MID1: variants seen among roughly 807,000 people sequenced by gnomAD.
The protein encoded by MID1 is E3 ubiquitin-protein ligase Midline-1.
Under a neutral mutation model 40.4 loss-of-function variants are expected in MID1, and 7 were observed. That is an observed-to-expected ratio of 0.17 (90% CI 0.10 to 0.33). The LOEUF (loss-of-function observed/expected upper bound fraction) is 0.33, where lower values mean the gene tolerates loss of function less well. Ranked by LOEUF, MID1 falls within the 10% of genes least tolerant of loss-of-function variation. MID1 has a pLI of 1.00. For synonymous variants in MID1, 229 were observed against 221.2 expected, an observed-to-expected ratio of 1.04 and a Z score of -0.31; for missense variants, 367 against 558.5, an observed-to-expected ratio of 0.66 and a Z score of 3.46.
At chrX:10,530,551 T>C (rs1414253220) in intron 2 of MID1, among the ~76,000 whole-genome samples, 4 of 112,333 alleles carry the variant, frequency 3.6e-5, no homozygotes, top group African/African-American at 1.3e-4. Flanking sequence ...ATTTTTCTTA[T>C]AATTTTTATT....
intron 3 of MID1, chrX:10,505,493 G>A (rs937019717): frequency 3.6e-5 from 27 of 753,927 alleles, no homozygotes; most frequent in Middle Eastern, 7.6e-4. Flanking sequence ...ACACCCTTCC[G>A]TTTGGGCTGG....
chrX:10,778,797 A>G (rs1229998069), intron 1 of MID1, among the ~76,000 whole-genome samples: 1 of 113,643 alleles, frequency 8.8e-6, no homozygotes, highest in East Asian at 2.8e-4. Flanking sequence ...AGCATCCAGA[A>G]GGAAGGCAGT....
intron 1 of MID1, among the ~76,000 whole-genome samples, chrX:10,592,274 TAAAAAAAAAAAAAAA>T (rs144661774): frequency 2.5e-4 from 7 of 28,233 alleles, no homozygotes; most frequent in Non-Finnish European, 4.1e-4. Flanking sequence ...GGGACTGCGT[TAAAAAAAAAAAAAAA>T]AAAAAAAAAA....
chrX:10,624,826 C>A (rs1935979575), upstream of MID1, among the ~76,000 whole-genome samples: 1 of 110,756 alleles, frequency 9.0e-6, no homozygotes, highest in Non-Finnish European at 1.9e-5. Context: ...GTTGCCCAGG[C>A]TGGTCTTGAA....
chrX:10,582,998 T>TA (rs1390508906), intron 1 of MID1: 1 of 111,874 alleles, frequency 8.9e-6, no homozygotes, highest in Non-Finnish European at 1.9e-5. Flanking sequence ...CTGGAAATCC[T>TA]ATATGTATAT....
chrX:10,650,405 G>A (rs1026938462), intron 1 of MID1, among the ~76,000 whole-genome samples: 2 of 106,284 alleles, frequency 1.9e-5, no homozygotes, highest in Admixed American at 2.0e-4. Context: ...CCAAAGCACA[G>A]GCTGAAGTTG....
chrX:10,620,653 C>G (rs759981116), upstream of MID1: 1 of 111,698 alleles, frequency 9.0e-6, no homozygotes, highest in African/African-American at 3.3e-5. Flanking sequence ...GGGGGTGGGT[C>G]CTGGGAGCCA....
intron 9 of MID1, among the ~76,000 whole-genome samples, chrX:10,449,955 C>G (rs1928226676): frequency 8.9e-6 from 1 of 111,990 alleles, no homozygotes; most frequent in African/African-American, 3.3e-5. Flanking sequence ...ACCCACATTT[C>G]TGTTTTCAGC....
chrX:10,686,132 G>T (rs1209885337), intron 1 of MID1, among the ~76,000 whole-genome samples: 1 of 111,509 alleles, frequency 9.0e-6, no homozygotes, highest in Admixed American at 9.5e-5. Flanking sequence ...GGGGCATTGG[G>T]ATGTGAGTCA....
intron 1 of MID1, among the ~76,000 whole-genome samples, chrX:10,658,312 T>C (rs2042888836): frequency 9.3e-6 from 1 of 107,247 alleles, no homozygotes; most frequent in African/African-American, 3.4e-5. Flanking sequence ...CTCTACTTAA[T>C]AGGGAATGTC....
chrX:10,636,785 G>GATACATATATATATATATATAT (rs1555911853), intron 1 of MID1, among the ~76,000 whole-genome samples: 1 of 42,719 alleles, frequency 2.3e-5, no homozygotes, highest in Admixed American at 2.5e-4. Context: ...CAACAATGGG[G>GATACATATATATATATATATAT]ATATATATAT....
intron 1 of MID1, among the ~76,000 whole-genome samples, chrX:10,787,769 TC>T (rs1036326712): frequency 4.8e-5 from 5 of 104,672 alleles, no homozygotes; most frequent in African/African-American, 1.7e-4. Context: ...AACAGGAATT[TC>T]CCCCCCTAAA....
chrX:10,575,254 TA>T (rs1197240005), intron 1 of MID1, among the ~76,000 whole-genome samples: 1 of 111,956 alleles, frequency 8.9e-6, no homozygotes, highest in Non-Finnish European at 1.9e-5. Context: ...ATAGGTGAAA[TA>T]TTTTTTAAAG....
intron 1 of MID1, among the ~76,000 whole-genome samples, chrX:10,595,207 T>C (rs2147513737): frequency 8.9e-6 from 1 of 112,032 alleles, no homozygotes; most frequent in South Asian, 3.8e-4. Flanking sequence ...TAAAGATCTC[T>C]TTCTGGAAGT....
intron 1 of MID1, among the ~76,000 whole-genome samples, chrX:10,778,098 A>T (rs759638359): frequency 8.9e-6 from 1 of 112,019 alleles, no homozygotes; most frequent in East Asian, 2.8e-4. Context: ...TATAATAAAT[A>T]CATAAACTGG....
intron 2 of MID1, among the ~76,000 whole-genome samples, chrX:10,536,754 TG>T (rs2147399283): frequency 8.9e-6 from 1 of 112,526 alleles, no homozygotes; most frequent in Non-Finnish European, 1.9e-5. Flanking sequence ...CACCTTCCCC[TG>T]GGAAAACAGA....
At chrX:10,635,212 A>G (rs891877718) in intron 1 of MID1, among the ~76,000 whole-genome samples, 1 of 111,903 alleles carries the variant, frequency 8.9e-6, no homozygotes, top group African/African-American at 3.2e-5. Context: ...ATTTGGTGAA[A>G]TATGCTCCAG....
At chrX:10,479,753 C>G (rs1412677730) in intron 5 of MID1, among the ~76,000 whole-genome samples, 2 of 111,971 alleles carry the variant, frequency 1.8e-5, no homozygotes, top group East Asian at 5.6e-4. Context: ...TTGATGGACA[C>G]TTAGGTTGCT....
intron 3 of MID1, among the ~76,000 whole-genome samples, chrX:10,498,865 C>T (rs971354589): frequency 3.6e-5 from 4 of 112,033 alleles, no homozygotes; most frequent in Non-Finnish European, 7.5e-5. Context: ...AATAGATGCA[C>T]ACTGATGTTT....
Sources: allele counts gnomAD v4.1 joint callset (sites outside exome capture counted in the v4.1 genomes callset), GRCh38; gene constraint gnomAD v4.1.1; transcripts MANE v1.5; gene names NCBI Gene and HGNC (gene_info 2026-07-23, HGNC 2026-07-21).